SARNP: variants seen among roughly 807,000 people sequenced by gnomAD.
SARNP encodes the protein SAP domain containing ribonucleoprotein, also known as SAP domain-containing ribonucleoprotein.
A neutral mutation model predicts 38.1 loss-of-function variants in SARNP; 5 were observed. That is an observed-to-expected ratio of 0.13 (90% CI 0.07 to 0.28). The LOEUF is 0.28. Among genes scored for constraint, SARNP ranks in the 10% least tolerant of loss-of-function variants. SARNP has a pLI of 1.00. For synonymous variants in SARNP, 84 were observed against 80.6 expected (o/e 1.04, Z -0.23); for missense variants, 180 against 243.9 (o/e 0.74, Z 1.75).
At chr12:55,804,196 T>C (rs777203905) in intron 1 of SARNP, among the ~76,000 whole-genome samples, 1 of 152,198 alleles carries the variant, frequency 6.6e-6, no homozygotes, top group South Asian at 2.1e-4. Flanking sequence ...CTAACCACCA[T>C]AGAATTAGGT....
intron 9 of SARNP, among the ~76,000 whole-genome samples, chr12:55,763,095 A>G (rs1225561471): frequency 6.6e-6 from 1 of 152,170 alleles, no homozygotes; most frequent in African/African-American, 2.4e-5. Context: ...TGCCTTTCTC[A>G]TTATGACCAC....
chr12:55,798,935 CAGAACAATGCCTAGCATATAACTCTTA>C (rs1565680821), intron 4 of SARNP, among the ~76,000 whole-genome samples: 1 of 152,080 alleles, frequency 6.6e-6, no homozygotes, highest in African/African-American at 2.4e-5. Flanking sequence ...GTAAAACATT[CAGAACAATGCCTAGCATATAACTCTTA>C]AGAACAATGC....
rs532686073 is a variant in SARNP at position 55,797,718 on chromosome 12, C to T, written c.252-1642G>A. 5.3e-5 allele frequency among the ~76,000 whole-genome samples: 8 copies of T among 152,262 alleles called. No individual in the cohort carries two copies. In the South Asian group the frequency reaches 1.0e-3, roughly 20 times the overall value. On this transcript the variant is annotated intron_variant, in intron 4 of 10. Coordinates refer to ENST00000336133, the MANE Select transcript of SARNP (RefSeq NM_033082.4). ...ATTCCCTTAGGCAACTAAACTCAAG[C>T]GCAATAAATAAACATCGAATTCTGG... is the stretch of plus-strand genomic sequence containing the variant.
chr12:55,773,415 T>C (rs1476130430), intron 9 of SARNP, among the ~76,000 whole-genome samples: 1 of 152,308 alleles, frequency 6.6e-6, no homozygotes, highest in Non-Finnish European at 1.5e-5. Flanking sequence ...ACAAAAACTA[T>C]TTCAGCTGCA....
chr12:55,772,084 G>A (rs1464666976), intron 9 of SARNP, among the ~76,000 whole-genome samples: 4 of 152,028 alleles, frequency 2.6e-5, no homozygotes, highest in Admixed American at 1.3e-4. Flanking sequence ...CCAACCAGAC[G>A]ACAGAACATA....
chr12:55,809,286 A>T (rs932672704), intron 1 of SARNP, among the ~76,000 whole-genome samples: 15 of 152,072 alleles, frequency 9.9e-5, no homozygotes, highest in Admixed American at 7.9e-4. Context: ...GGCTATTGAA[A>T]AAAAAAAATT....
At chr12:55,816,203 A>T (rs190429511) in intron 1 of SARNP, among the ~76,000 whole-genome samples, 2 of 152,242 alleles carry the variant, frequency 1.3e-5, no homozygotes, top group Admixed American at 6.5e-5. Flanking sequence ...GGATTTCAAA[A>T]ATAGGACAAA....
chr12:55,792,391 GAA>G (rs1879698225), intron 7 of SARNP, among the ~76,000 whole-genome samples: 1 of 152,006 alleles, frequency 6.6e-6, no homozygotes, highest in African/African-American at 2.4e-5. Context: ...GTTTTTTTGA[GAA>G]AAGAGTCTCA....
intron 9 of SARNP, among the ~76,000 whole-genome samples, chr12:55,780,367 T>C (rs1879306379): frequency 6.6e-6 from 1 of 151,820 alleles, no homozygotes; most frequent in South Asian, 2.1e-4. Context: ...GGCAGGAGAA[T>C]TGCTTGAACC....
At chr12:55,812,570 T>G (rs1880358982) in intron 1 of SARNP, among the ~76,000 whole-genome samples, 1 of 152,212 alleles carries the variant, frequency 6.6e-6, no homozygotes, top group Non-Finnish European at 1.5e-5. Context: ...ACCTGACATG[T>G]CCAAGTGGAT....
At chr12:55,760,455 A>C (rs776634712) in intron 10 of SARNP, 96 bp downstream of exon 10, 1 of 745,332 alleles carries the variant, frequency 1.3e-6, no homozygotes, top group East Asian at 2.7e-5. Flanking sequence ...TAAATAAATA[A>C]ATAAATAAAT....
intron 9 of SARNP, among the ~76,000 whole-genome samples, chr12:55,769,932 G>A (rs1332377392): frequency 6.6e-6 from 1 of 152,138 alleles, no homozygotes; most frequent in Non-Finnish European, 1.5e-5. Context: ...ACTTAAGACG[G>A]GTTTTTATCA....
intron 9 of SARNP, among the ~76,000 whole-genome samples, chr12:55,774,685 T>A (rs562819839): frequency 1.1e-4 from 16 of 149,780 alleles, no homozygotes; most frequent in African/African-American, 3.7e-4. Flanking sequence ...GAAGTGGAGG[T>A]TGCAGTGGGA....
chr12:55,806,866 G>C (rs1319195830), intron 1 of SARNP, among the ~76,000 whole-genome samples: 3 of 152,198 alleles, frequency 2.0e-5, no homozygotes, highest in Admixed American at 6.5e-5. Flanking sequence ...AAAGCATTTA[G>C]AACAGTGCTT....
chr12:55,817,325 A>G (rs1329894509), intron 1 of SARNP, among the ~76,000 whole-genome samples: 1 of 152,238 alleles, frequency 6.6e-6, no homozygotes, highest in Non-Finnish European at 1.5e-5. Flanking sequence ...TGGCTCCGAC[A>G]TGGGGCAAAA....
At chr12:55,787,755 T>A (rs574169973) in intron 9 of SARNP, among the ~76,000 whole-genome samples, 2 of 151,354 alleles carry the variant, frequency 1.3e-5, no homozygotes, top group South Asian at 4.2e-4. Context: ...CTTTCTTTTT[T>A]TTTTTTTTCT....
chr12:55,807,832 ATTTTT>A (rs1054704777), intron 1 of SARNP, among the ~76,000 whole-genome samples: 1 of 147,948 alleles, frequency 6.8e-6, no homozygotes, highest in Non-Finnish European at 1.5e-5. Context: ...AAAAAAAAAA[ATTTTT>A]TTTAAGAATC....
chr12:55,794,476 T>A lies in SARNP; in HGVS notation c.378-89A>T, dbSNP rs964598603. 3.3e-5 allele frequency: 37 copies of A among 1,115,026 alleles called. No individual in the cohort carries two copies. The African/African-American group carries it at 4.3e-4, about 13-fold the overall frequency. 69.1% of individuals were successfully genotyped at this position (1,115,026 alleles called of 1,614,324 possible). On this transcript the variant is annotated intron_variant, in intron 6 of 10. Transcript: ENST00000336133. Reference sequence around the variant, plus strand: ...GTGTCAAGTATACATATGACACTTCTTGCTTGTGATCTCAAGCCTTGCAAT... The same window carrying A: ...GTGTCAAGTATACATATGACACTTCATGCTTGTGATCTCAAGCCTTGCAAT...
chr12:55,767,508 C>T (rs193273618), intron 9 of SARNP, among the ~76,000 whole-genome samples: 6 of 152,042 alleles, frequency 3.9e-5, no homozygotes, highest in East Asian at 3.9e-4. Flanking sequence ...ATTGTCACGC[C>T]GCTGCACTTC....
Sources: allele counts gnomAD v4.1 joint callset (sites outside exome capture counted in the v4.1 genomes callset), GRCh38; gene constraint gnomAD v4.1.1; transcripts MANE v1.5; gene names NCBI Gene and HGNC (gene_info 2026-07-23, HGNC 2026-07-21).